PMFBP1: variants seen among roughly 807,000 people sequenced by gnomAD.
PMFBP1 encodes polyamine-modulated factor 1-binding protein 1.
In PMFBP1, 131 loss-of-function variants were observed where a neutral mutation model predicts 137.8. That is an observed-to-expected ratio of 0.95 (90% confidence interval 0.82 to 1.10). PMFBP1 has a LOEUF of 1.10. PMFBP1 is among the 50% of genes least tolerant of loss of function. PMFBP1 has a pLI of 0.00. For missense variants in PMFBP1, 1,199 were observed against 1,175.4 expected (o/e 1.02, Z -0.29); for synonymous variants, 490 against 450.4 (o/e 1.09, Z -1.11).
intron 4 of PMFBP1, among the ~76,000 whole-genome samples, chr16:72,153,730 A>G (rs1308080377): frequency 6.7e-6 from 1 of 148,752 alleles, no homozygotes; most frequent in African/African-American, 2.5e-5. Flanking sequence ...GGTACTCTCA[A>G]TGATTGACTC....
the PMFBP1 span, among the ~76,000 whole-genome samples, chr16:72,191,641 T>G: frequency 6.6e-6 from 1 of 152,210 alleles, no homozygotes; most frequent in Non-Finnish European, 1.5e-5. Context: ...GTCCTGAGCC[T>G]TAGGTAATTC....
At chr16:72,178,669 G>A (rs1305701211), upstream of PMFBP1, among the ~76,000 whole-genome samples, 1 of 152,078 alleles carries the variant, frequency 6.6e-6, no homozygotes, top group Non-Finnish European at 1.5e-5. Flanking sequence ...TTTGGCCAAT[G>A]GGCCAAAGGT....
At position 72,143,940 on chromosome 16, in the gene PMFBP1, C is replaced by T. The variant is rs867433180; in HGVS notation, c.637-3358G>A. Among the ~76,000 whole-genome samples, 6 of 152,166 alleles carry T rather than the reference C, an allele frequency of 3.9e-5. No homozygotes were observed. The South Asian group carries it at 6.2e-4, about 16-fold the overall frequency. ...CCTGTAATCCCAGCTACTCGGGAGG[C>T]TGAGGCAGGAGAATCGCTTGAACCT... On this transcript the variant is annotated intron_variant, in intron 5 of 20. Coordinates refer to ENST00000237353, the MANE Select transcript of PMFBP1 (RefSeq NM_031293.3).
chr16:72,186,195 A>T, the PMFBP1 span, among the ~76,000 whole-genome samples: 5 of 152,268 alleles, frequency 3.3e-5, no homozygotes, highest in East Asian at 9.7e-4. Flanking sequence ...CCCTAAGGTG[A>T]TGCTGGGTAT....
At chr16:72,149,135 TAG>T (rs1394866793) in intron 5 of PMFBP1, among the ~76,000 whole-genome samples, 1 of 152,220 alleles carries the variant, frequency 6.6e-6, no homozygotes, top group Non-Finnish European at 1.5e-5. Context: ...TACTCTGTCT[TAG>T]AGTTGGCTTC....
At chr16:72,182,156 T>C in the PMFBP1 span, among the ~76,000 whole-genome samples, 1 of 152,156 alleles carries the variant, frequency 6.6e-6, no homozygotes, top group Non-Finnish European at 1.5e-5. Context: ...CCTATTCTCC[T>C]GGTCACCGGC....
At chr16:72,125,000 G>T (rs1478618944) in intron 16 of PMFBP1, 66 bp from the exon 17 acceptor site, 1 of 1,567,854 alleles carries the variant, frequency 6.4e-7, no homozygotes, top group East Asian at 2.2e-5. Flanking sequence ...GACCCACAAG[G>T]CCAGAGGGTG....
intron 3 of PMFBP1, among the ~76,000 whole-genome samples, chr16:72,156,609 G>C (rs982605411): frequency 6.6e-6 from 1 of 151,040 alleles, no homozygotes; most frequent in Non-Finnish European, 1.5e-5. Flanking sequence ...GACAGAGTGA[G>C]ACTCTGTCTC....
chr16:72,228,504 A>G, the PMFBP1 span, among the ~76,000 whole-genome samples: 7 of 152,180 alleles, frequency 4.6e-5, no homozygotes, highest in African/African-American at 1.7e-4. Context: ...TCCCGTTTCT[A>G]GGATACCTGG....
downstream of PMFBP1, among the ~76,000 whole-genome samples, chr16:72,117,034 CAAAAAAA>C (rs35283042): frequency 8.5e-6 from 1 of 117,084 alleles, no homozygotes; most frequent in Non-Finnish European, 1.8e-5. Context: ...CCTATTTCTG[CAAAAAAA>C]AAAAAAAAAA....
chr16:72,164,860 T>C lies in PMFBP1; in HGVS notation c.69A>G (p.Gln23=), dbSNP rs2043122036. ...CATCGTGCAGATTCTTGATGTCAAG[T>C]TGCAGGCTTAACAGCTTGCTGTTCA... ...SSLNSKLLSL[Q]LDIKNLHDVC... The change falls in exon 3 of 21, where the codon CAA becomes CAG. Residue 23 remains glutamine, a synonymous_variant. Coordinates refer to ENST00000237353, the MANE Select transcript of PMFBP1 (RefSeq NM_031293.3). 1.9e-6 allele frequency: 3 copies of C among 1,610,312 alleles called. No homozygotes were observed. The African/African-American group carries it at 4.0e-5, about 22-fold the overall frequency.
the PMFBP1 span, among the ~76,000 whole-genome samples, chr16:72,201,058 G>T: frequency 6.6e-6 from 1 of 152,118 alleles, no homozygotes; most frequent in Non-Finnish European, 1.5e-5. Flanking sequence ...ATAACTCCTT[G>T]TTCCCACACC....
chr16:72,143,974 G>A (rs1219725964), intron 5 of PMFBP1, among the ~76,000 whole-genome samples: 3 of 152,090 alleles, frequency 2.0e-5, no homozygotes, highest in Admixed American at 2.0e-4. Flanking sequence ...CTGGGAGGCG[G>A]ATGTTGCAGT....
At chr16:72,199,653 C>CAAA in the PMFBP1 span, among the ~76,000 whole-genome samples, 19 of 82,310 alleles carry the variant, frequency 2.3e-4, no homozygotes, top group Admixed American at 4.3e-4. Context: ...GACTCCGTCT[C>CAAA]AAAAAAAAAA....
At chr16:72,212,873 T>A in the PMFBP1 span, among the ~76,000 whole-genome samples, 69 of 152,266 alleles carry the variant, frequency 4.5e-4, no homozygotes, top group African/African-American at 1.6e-3. Context: ...AAATCAGACA[T>A]CTTAATAGCT....
chr16:72,248,106 A>C, the PMFBP1 span, among the ~76,000 whole-genome samples: 1 of 152,216 alleles, frequency 6.6e-6, no homozygotes, highest in East Asian at 1.9e-4. Flanking sequence ...GAAGTGTTCT[A>C]AAGTGATAGC....
the PMFBP1 span, among the ~76,000 whole-genome samples, chr16:72,189,944 G>A: frequency 7.9e-5 from 12 of 152,112 alleles, no homozygotes; most frequent in Non-Finnish European, 1.6e-4. Flanking sequence ...CTGGGTGAGT[G>A]TCATGGGACT....
chr16:72,185,287 G>C, the PMFBP1 span, among the ~76,000 whole-genome samples: 87 of 152,200 alleles, frequency 5.7e-4, no homozygotes, highest in African/African-American at 1.9e-3. Flanking sequence ...GCCTCCCAAA[G>C]TGCTGGGATT....
At chr16:72,211,224 T>C in the PMFBP1 span, among the ~76,000 whole-genome samples, 4 of 152,184 alleles carry the variant, frequency 2.6e-5, no homozygotes, top group Non-Finnish European at 5.9e-5. Flanking sequence ...GAGTGTGATA[T>C]GGTCAAAAGG....
Sources: gnomAD v4.1 joint callset for allele counts (sites outside exome capture counted in the v4.1 genomes callset) on GRCh38, gnomAD v4.1.1 for gene constraint, MANE v1.5 for transcripts, NCBI Gene and HGNC (gene_info 2026-07-23, HGNC 2026-07-21) for gene names.